ATP1B4: variants seen among roughly 807,000 people sequenced by gnomAD.
The protein encoded by ATP1B4 is protein ATP1B4.
Under a neutral mutation model 29.6 loss-of-function variants are expected in ATP1B4, and 32 were observed. The observed-to-expected ratio is 1.08, with a 90% CI of 0.82 to 1.45. The LOEUF (loss-of-function observed/expected upper bound fraction) is 1.45, where lower values mean the gene tolerates loss of function less well. ATP1B4 is among the 40% of genes most tolerant of loss of function. The probability of loss-of-function intolerance (pLI) is 0.00; values close to 1 mark genes in which losing one functional copy is unlikely to be tolerated. For synonymous variants in ATP1B4, 127 were observed against 102.1 expected, an observed-to-expected ratio of 1.24 and a Z score of -1.47; for missense variants, 323 against 276.2, an observed-to-expected ratio of 1.17 and a Z score of -1.20.
rs1209435586 is a variant in ATP1B4, at chrX:120,379,550, A to G, written c.990A>G (p.Gln330=). The change falls in exon 8 of 8, where the codon CAA becomes CAG. Residue 330 remains glutamine, a synonymous_variant. Coordinates refer to ENST00000218008, the MANE Select transcript of ATP1B4 (RefSeq NM_001142447.3). ...VKNQAVPVQC[Q]LKGKGVINDV... ...ACCAAGCAGTGCCTGTGCAGTGCCAACTGAAGGGCAAAGGCGTCATAAATG... is the reference window on the plus strand; with the variant it reads ...ACCAAGCAGTGCCTGTGCAGTGCCAGCTGAAGGGCAAAGGCGTCATAAATG... 6 of 1,209,696 alleles carry G rather than the reference A, an allele frequency of 5.0e-6. No individual in the cohort carries two copies. The highest frequency in any genetic ancestry group is 3.5e-5 in the African/African-American group (2 of 57,209).
chrX:120,364,393 TGAGAGCA>T (rs2058275830), intron 1 of ATP1B4, among the ~76,000 whole-genome samples: 2 of 111,718 alleles, frequency 1.8e-5, no homozygotes, highest in Admixed American at 9.5e-5. Flanking sequence ...ACAAGCTCTG[TGAGAGCA>T]TTCCCGCAGA....
intron 2 of ATP1B4, among the ~76,000 whole-genome samples, chrX:120,368,031 C>A (rs771028812): frequency 8.9e-6 from 1 of 112,012 alleles, no homozygotes; most frequent in East Asian, 2.8e-4. Context: ...GAAAAACAAG[C>A]CTTGTGAAAT....
At chrX:120,364,636 G>A (rs977517218) in intron 1 of ATP1B4, among the ~76,000 whole-genome samples, 1 of 112,641 alleles carries the variant, frequency 8.9e-6, no homozygotes, top group African/African-American at 3.2e-5. Flanking sequence ...TCATCATTGA[G>A]TGATGAAGTT....
intron 6 of ATP1B4, among the ~76,000 whole-genome samples, 191 bp from the exon 7 acceptor site, chrX:120,378,487 C>T (rs189020019): frequency 9.0e-6 from 1 of 111,500 alleles, no homozygotes; most frequent in East Asian, 2.8e-4. Context: ...AGACAAGGCA[C>T]AGTCACTCCC....
intron 3 of ATP1B4, 92 bp from the exon 4 acceptor site, chrX:120,371,014 A>T: frequency 9.7e-7 from 1 of 1,029,450 alleles, no homozygotes; most frequent in Admixed American, 2.4e-5. Context: ...TTTCATTTTG[A>T]TTGCCTGGGG....
chrX:120,376,243 A>T, intron 5 of ATP1B4, 137 bp from the exon 6 acceptor site: 1 of 543,096 alleles, frequency 1.8e-6, no homozygotes, highest in Admixed American at 3.7e-5. Context: ...TGCTTTTTGT[A>T]ACATTTCTGA....
Position 120,376,387 on chromosome X carries a change from G to A in ATP1B4, c.767G>A (p.Gly256Asp), listed in dbSNP as rs1175560458. The A allele has an allele frequency of 8.3e-7, 1 of 1,209,880 alleles. No homozygotes were observed. Among genetic ancestry groups the A allele is most frequent in the East Asian group, 3.0e-5 (1 of 33,831 alleles). ...CTGGTTTTCTTTTGATAGATTGTAG[G>A]CTTTCGTCCTGAGCTTGGAGATCCT... ...CILLKMNRIV[G>D]FRPELGDPVK... The change falls in exon 6 of 8, where the codon GGC (glycine) becomes GAC (aspartate). Residue 256 changes from glycine to aspartate, a missense_variant. Transcript: ENST00000218008.
intron 3 of ATP1B4, 55 bp from the exon 4 acceptor site, chrX:120,371,050 CA>C (rs1290668574): frequency 2.3e-5 from 25 of 1,106,590 alleles, no homozygotes; most frequent in Non-Finnish European, 3.0e-5. Flanking sequence ...GGAATCAATA[CA>C]AAAAAATTAT....
intron 6 of ATP1B4, among the ~76,000 whole-genome samples, chrX:120,376,965 G>A (rs1037011745): frequency 1.8e-5 from 2 of 111,907 alleles, no homozygotes; most frequent in African/African-American, 6.5e-5. Flanking sequence ...TCCTTCGAGG[G>A]ACCATTAACT....
At chrX:120,373,122 C>G (rs1244298245) in intron 4 of ATP1B4, among the ~76,000 whole-genome samples, 2 of 111,850 alleles carry the variant, frequency 1.8e-5, no homozygotes, top group African/African-American at 6.5e-5. Context: ...AGAAGCACAT[C>G]TCTGAAATAG....
At chrX:120,369,373 C>G (rs1602502794) in intron 2 of ATP1B4, among the ~76,000 whole-genome samples, 1 of 112,473 alleles carries the variant, frequency 8.9e-6, no homozygotes, top group Non-Finnish European at 1.9e-5. Context: ...AGTTCCATTT[C>G]CAGTCGGATT....
At chrX:120,375,322 C>A in intron 4 of ATP1B4, 50 bp from the exon 5 acceptor site, 1 of 1,101,180 alleles carries the variant, frequency 9.1e-7, no homozygotes, top group Non-Finnish European at 1.2e-6. Context: ...CACGGCCTTC[C>A]CCTGTAGCAC....
chrX:120,366,185 C>T (rs1414428473), intron 1 of ATP1B4, among the ~76,000 whole-genome samples: 2 of 111,629 alleles, frequency 1.8e-5, no homozygotes, highest in Admixed American at 1.9e-4. Flanking sequence ...GAGCTCACCT[C>T]TACTCTGATA....
At chrX:120,377,907 A>C (rs948674488) in intron 6 of ATP1B4, among the ~76,000 whole-genome samples, 2 of 111,841 alleles carry the variant, frequency 1.8e-5, no homozygotes, top group African/African-American at 6.5e-5. Flanking sequence ...TTAGTGAGTA[A>C]TTTGCTAGTA....
intron 5 of ATP1B4, 132 bp downstream of exon 5, chrX:120,375,700 A>G: frequency 4.0e-6 from 2 of 501,847 alleles, no homozygotes; most frequent in South Asian, 9.1e-5. Flanking sequence ...TATCATAAAT[A>G]CAAATAACCA....
intron 6 of ATP1B4, among the ~76,000 whole-genome samples, chrX:120,378,300 A>G (rs752821355): frequency 1.7e-4 from 19 of 111,692 alleles, no homozygotes; most frequent in Non-Finnish European, 1.7e-4. Flanking sequence ...TGCCAGGCCC[A>G]GTGTGGTTCT....
intron 2 of ATP1B4, among the ~76,000 whole-genome samples, chrX:120,370,271 T>C (rs949052813): frequency 8.9e-6 from 1 of 112,215 alleles, no homozygotes; most frequent in African/African-American, 3.2e-5. Context: ...AATTATAGAC[T>C]ATGTGGAAAG....
At chrX:120,365,070 G>C (rs148872437) in intron 1 of ATP1B4, among the ~76,000 whole-genome samples, 2 of 111,507 alleles carry the variant, frequency 1.8e-5, no homozygotes, top group Non-Finnish European at 3.8e-5. Context: ...GCTACCTCTA[G>C]GCACTTGTGC....
At chrX:120,366,423 G>A in intron 1 of ATP1B4, 102 bp from the exon 2 acceptor site, 2 of 945,213 alleles carry the variant, frequency 2.1e-6, no homozygotes, top group Middle Eastern at 2.8e-4. Context: ...GAAATTTGAA[G>A]CATCTCCAAA....
Sources: allele counts gnomAD v4.1 joint callset (sites outside exome capture counted in the v4.1 genomes callset), GRCh38; gene constraint gnomAD v4.1.1; transcripts MANE v1.5; gene names NCBI Gene and HGNC (gene_info 2026-07-23, HGNC 2026-07-21).